Variants in CDH13 observed in about 807,000 individuals in gnomAD.
CDH13 encodes cadherin 13.
Under a neutral mutation model 63.8 loss-of-function variants are expected in CDH13, and 24 were observed. That is an observed-to-expected ratio of 0.38 (90% CI 0.27 to 0.53). CDH13 has a LOEUF of 0.53. Among genes scored for constraint, CDH13 ranks in the 20% least tolerant of loss-of-function variants. The pLI, the probability that CDH13 is intolerant of heterozygous loss-of-function variation, is 0.85. For missense variants in CDH13, 1,049 were observed against 903.1 expected (o/e 1.16, Z -2.07); for synonymous variants, 503 against 355.3 (o/e 1.42, Z -4.67).
In CDH13 at chr16:82,639,404, A is replaced by T; in HGVS notation, c.45+12267A>T. The T allele has an allele frequency of 2.0e-6, 3 of 1,535,660 alleles. No individual in the cohort carries two copies. In the South Asian group the frequency reaches 3.6e-5, roughly 18 times the overall value. ...ACTGCATGGTTCCCCCAGCAAGAAC[A>T]TCCCAGTGAGAATGGCCCACAGATG... On this transcript the variant is annotated intron_variant, in intron 1 of 13. Coordinates refer to ENST00000567109, the MANE Select transcript of CDH13 (RefSeq NM_001257.5).
At chr16:83,004,716 C>T (rs978602342) in intron 2 of CDH13, among the ~76,000 whole-genome samples, 1 of 152,280 alleles carries the variant, frequency 6.6e-6, no homozygotes, top group Admixed American at 6.5e-5. Flanking sequence ...TGGCCTCAAA[C>T]TCCTGACCTC....
intron 3 of CDH13, among the ~76,000 whole-genome samples, chr16:83,046,587 G>C (rs28562932): frequency 2.0e-5 from 3 of 152,112 alleles, no homozygotes; most frequent in Non-Finnish European, 4.4e-5. Flanking sequence ...GCAATTCCTT[G>C]TCTTCAAAGA....
At position 83,298,108 on chromosome 16, in the gene CDH13, G is replaced by T. The variant is rs145058734; in HGVS notation, c.637-46754G>T. Among the ~76,000 whole-genome samples, 578 of 151,682 alleles carry T rather than the reference G, an allele frequency of 3.8e-3. 4 individuals are homozygous for T. The highest frequency in any genetic ancestry group is 0.01 in the African/African-American group (421 of 41,386). On this transcript the variant is annotated intron_variant, in intron 5 of 13. Transcript: ENST00000567109. ...AGAAAAAAAAATTAGCCAGGTGCAG[G>T]GGTACGTGCCTGTGGTTCCAGCTAC... is the stretch of plus-strand genomic sequence containing the variant.
At chr16:83,338,231 A>G (rs543816808) in intron 5 of CDH13, among the ~76,000 whole-genome samples, 44 of 150,986 alleles carry the variant, frequency 2.9e-4, no homozygotes, top group Non-Finnish European at 5.0e-4. Flanking sequence ...GTACTCTGAT[A>G]TTGTTTACCA....
At chr16:83,032,315 A>ACTTATTAT in intron 3 of CDH13, 97 bp downstream of exon 3, 1 of 897,136 alleles carries the variant, frequency 1.1e-6, no homozygotes, top group South Asian at 1.8e-5. Flanking sequence ...ATGTTGGCTA[A>ACTTATTAT]GATTCCTTTT....
At chr16:82,678,240 A>G (rs1332325582) in intron 1 of CDH13, among the ~76,000 whole-genome samples, 2 of 152,162 alleles carry the variant, frequency 1.3e-5, no homozygotes, top group Admixed American at 6.6e-5. Context: ...GTCTAGGATC[A>G]GAAATAAACT....
chr16:83,529,543 G>A (rs1053011162), intron 7 of CDH13, among the ~76,000 whole-genome samples: 3 of 152,014 alleles, frequency 2.0e-5, no homozygotes, highest in Non-Finnish European at 4.4e-5. Flanking sequence ...AATGTACACA[G>A]CTTACATAAA....
At chr16:83,161,455 A>G (rs1036452651) in intron 4 of CDH13, among the ~76,000 whole-genome samples, 1 of 152,182 alleles carries the variant, frequency 6.6e-6, no homozygotes, top group Non-Finnish European at 1.5e-5. Context: ...GGGAGGGTCC[A>G]TTTTAAGGAG....
At chr16:82,834,645 A>G (rs1464017630) in intron 1 of CDH13, among the ~76,000 whole-genome samples, 1 of 152,106 alleles carries the variant, frequency 6.6e-6, no homozygotes, top group Non-Finnish European at 1.5e-5. Context: ...CTGTTTCTTC[A>G]CAGTGGTCAG....
At chr16:83,632,859 A>C (rs977651533) in intron 8 of CDH13, among the ~76,000 whole-genome samples, 1 of 151,592 alleles carries the variant, frequency 6.6e-6, no homozygotes, top group African/African-American at 2.4e-5. Context: ...ATGCTAAACA[A>C]AAGGTGGATT....
At chr16:83,249,641 A>G (rs1009480691) in intron 5 of CDH13, among the ~76,000 whole-genome samples, 1 of 152,236 alleles carries the variant, frequency 6.6e-6, no homozygotes. Context: ...GGTCCATGCC[A>G]TCGAAGTAGA....
intron 8 of CDH13, among the ~76,000 whole-genome samples, chr16:83,613,743 G>C (rs1237296432): frequency 6.6e-6 from 1 of 152,108 alleles, no homozygotes; most frequent in Non-Finnish European, 1.5e-5. Flanking sequence ...TGAGGCACGA[G>C]AATCACTTGA....
intron 5 of CDH13, among the ~76,000 whole-genome samples, chr16:83,246,831 C>T (rs1905042254): frequency 6.6e-6 from 1 of 152,148 alleles, no homozygotes. Context: ...CCGTCTGTTT[C>T]CTTCTTCAGT....
At chr16:83,078,581 A>C (rs1354470955) in intron 3 of CDH13, among the ~76,000 whole-genome samples, 1 of 152,204 alleles carries the variant, frequency 6.6e-6, no homozygotes, top group African/African-American at 2.4e-5. Flanking sequence ...CAGGTTCCTA[A>C]CAGGCCACAG....
chr16:83,763,055 G>A (rs747073614), intron 11 of CDH13, among the ~76,000 whole-genome samples: 4 of 152,132 alleles, frequency 2.6e-5, no homozygotes, highest in Non-Finnish European at 2.9e-5. Context: ...ATTATCAAAC[G>A]CGTCATATTC....
intron 6 of CDH13, among the ~76,000 whole-genome samples, chr16:83,351,869 C>G (rs980046783): frequency 7.2e-5 from 11 of 152,318 alleles, no homozygotes; most frequent in Non-Finnish European, 1.3e-4. Context: ...TCTTTCTTTT[C>G]ACACACAAAC....
At chr16:83,426,209 T>C (rs1046557524) in intron 6 of CDH13, among the ~76,000 whole-genome samples, 7 of 152,252 alleles carry the variant, frequency 4.6e-5, no homozygotes, top group Admixed American at 3.3e-4. Flanking sequence ...AGCCTCTGGG[T>C]TTCCACCCTA....
intron 6 of CDH13, among the ~76,000 whole-genome samples, chr16:83,364,303 C>T (rs1176022453): frequency 6.6e-6 from 1 of 152,226 alleles, no homozygotes; most frequent in East Asian, 1.9e-4. Context: ...TCCAGGTAGT[C>T]TCTCCCTCAC....
At chr16:83,311,521 C>T (rs1169976935) in intron 5 of CDH13, among the ~76,000 whole-genome samples, 1 of 152,110 alleles carries the variant, frequency 6.6e-6, no homozygotes, top group Non-Finnish European at 1.5e-5. Flanking sequence ...TTTGTATATA[C>T]ATATATATTC....
Sources: gnomAD v4.1 joint callset for allele counts (sites outside exome capture counted in the v4.1 genomes callset) on GRCh38, gnomAD v4.1.1 for gene constraint, MANE v1.5 for transcripts, NCBI Gene and HGNC (gene_info 2026-07-23, HGNC 2026-07-21) for gene names.